CNTNAP2: variants seen among roughly 807,000 people sequenced by gnomAD.
CNTNAP2 encodes contactin-associated protein-like 2.
A neutral mutation model predicts 155.2 loss-of-function variants in CNTNAP2; 98 were observed. That is an observed-to-expected ratio of 0.63 (90% CI 0.54 to 0.75). The LOEUF is 0.75. CNTNAP2 is among the 30% of genes least tolerant of loss of function. CNTNAP2 has a pLI of 0.00. For missense variants in CNTNAP2, 1,727 were observed against 1,688.1 expected, an observed-to-expected ratio of 1.02 and a Z score of -0.40; for synonymous variants, 651 against 631.2, an observed-to-expected ratio of 1.03 and a Z score of -0.47.
At chr7:146,487,489 C>T (rs1454465532) in intron 1 of CNTNAP2, among the ~76,000 whole-genome samples, 2 of 152,154 alleles carry the variant, frequency 1.3e-5, no homozygotes, top group Non-Finnish European at 2.9e-5. Context: ...GACTGATCTA[C>T]AACTTAATGC....
chr7:146,569,310 C>T (rs889795126), intron 1 of CNTNAP2, among the ~76,000 whole-genome samples: 13 of 152,176 alleles, frequency 8.5e-5, no homozygotes, highest in Admixed American at 6.5e-4. Context: ...TGAGCCGCCG[C>T]GCCCGGCCTC....
chr7:146,236,813 A>T (rs1584818545), intron 1 of CNTNAP2, among the ~76,000 whole-genome samples: 1 of 39,428 alleles, frequency 2.5e-5, no homozygotes, highest in Non-Finnish European at 6.6e-5. Context: ...GTAAGTTATT[A>T]ATTAATTAAT....
intron 8 of CNTNAP2, among the ~76,000 whole-genome samples, chr7:147,279,602 G>A (rs1804982946): frequency 6.6e-6 from 1 of 151,648 alleles, no homozygotes; most frequent in Admixed American, 6.6e-5. Flanking sequence ...ATTATTAAGT[G>A]CCTAGTTAAA....
intron 1 of CNTNAP2, among the ~76,000 whole-genome samples, chr7:146,669,887 G>A (rs1800270763): frequency 6.6e-6 from 1 of 151,906 alleles, no homozygotes; most frequent in East Asian, 1.9e-4. Flanking sequence ...CTTTATCTTA[G>A]ATTCTGAGGA....
At chr7:147,349,532 AAGAT>A (rs764238411) in intron 9 of CNTNAP2, among the ~76,000 whole-genome samples, 2 of 151,934 alleles carry the variant, frequency 1.3e-5, no homozygotes, top group East Asian at 1.9e-4. Flanking sequence ...ATAACCTGTC[AAGAT>A]AGATAGAAAA....
chr7:146,780,448 C>G (rs1191713511), intron 2 of CNTNAP2, among the ~76,000 whole-genome samples: 1 of 152,104 alleles, frequency 6.6e-6, no homozygotes, highest in Non-Finnish European at 1.5e-5. Context: ...CTCGGCCTCC[C>G]AAAGTCCTGG....
At chr7:146,464,526 G>A (rs576453095) in intron 1 of CNTNAP2, among the ~76,000 whole-genome samples, 4 of 151,328 alleles carry the variant, frequency 2.6e-5, no homozygotes, top group Non-Finnish European at 5.9e-5. Context: ...AGGTGTAGAT[G>A]GGAAAGATAC....
At chr7:146,911,077 A>G (rs907792069) in intron 3 of CNTNAP2, among the ~76,000 whole-genome samples, 3 of 152,244 alleles carry the variant, frequency 2.0e-5, no homozygotes, top group Admixed American at 6.5e-5. Flanking sequence ...ACTGGCCATC[A>G]GAGAAATGCA....
chr7:146,420,273 TGA>T (rs1257683467), intron 1 of CNTNAP2, among the ~76,000 whole-genome samples: 6 of 152,090 alleles, frequency 3.9e-5, no homozygotes, highest in Admixed American at 3.3e-4. Flanking sequence ...CCTTCAAGCT[TGA>T]GAGTCTTGAA....
intron 19 of CNTNAP2, among the ~76,000 whole-genome samples, chr7:148,224,962 C>T (rs1795820381): frequency 6.6e-6 from 1 of 152,178 alleles, no homozygotes; most frequent in African/African-American, 2.4e-5. Context: ...CACTGGGTCC[C>T]TCCCATGGCA....
chr7:148,014,604 C>G (rs556204934), intron 15 of CNTNAP2, among the ~76,000 whole-genome samples: 1 of 152,178 alleles, frequency 6.6e-6, no homozygotes, highest in Non-Finnish European at 1.5e-5. Flanking sequence ...AAAACAAAGG[C>G]GTGGTCACTT....
chr7:147,543,484 C>A (rs969038822), intron 11 of CNTNAP2, among the ~76,000 whole-genome samples: 10 of 152,180 alleles, frequency 6.6e-5, no homozygotes, highest in Non-Finnish European at 1.3e-4. Context: ...AAAAATGACA[C>A]CTACCTTATA....
chr7:146,859,829 G>A (rs765143980), intron 3 of CNTNAP2, among the ~76,000 whole-genome samples: 1 of 152,062 alleles, frequency 6.6e-6, no homozygotes, highest in Non-Finnish European at 1.5e-5. Context: ...TGAGTAAATA[G>A]AAGGAAAGAG....
intron 1 of CNTNAP2, among the ~76,000 whole-genome samples, chr7:146,263,188 G>A (rs748775950): frequency 6.6e-6 from 1 of 151,852 alleles, no homozygotes; most frequent in Non-Finnish European, 1.5e-5. Flanking sequence ...GCTTGGTGAC[G>A]TGCGCCTGTG....
At chr7:148,157,029 G>A (rs1244796949) in intron 17 of CNTNAP2, among the ~76,000 whole-genome samples, 1 of 152,150 alleles carries the variant, frequency 6.6e-6, no homozygotes, top group Admixed American at 6.5e-5. Flanking sequence ...ATGACAGGAA[G>A]GTGAACGGCT....
At chr7:146,184,066 G>A (rs1798588798) in intron 1 of CNTNAP2, among the ~76,000 whole-genome samples, 1 of 152,030 alleles carries the variant, frequency 6.6e-6, no homozygotes, top group African/African-American at 2.4e-5. Flanking sequence ...TCTTCCATAT[G>A]CCCATGCTCA....
chr7:146,169,932 G>T (rs983867848), intron 1 of CNTNAP2, among the ~76,000 whole-genome samples: 1 of 151,518 alleles, frequency 6.6e-6, no homozygotes, highest in South Asian at 2.1e-4. Flanking sequence ...ATGTAGCAAT[G>T]CAGGTATCAC....
chr7:147,775,260 A>T (rs192248857), intron 13 of CNTNAP2, among the ~76,000 whole-genome samples: 3,643 of 89,442 alleles, frequency 0.041, 196 homozygotes, highest in Admixed American at 0.059. Flanking sequence ...TATATTTATA[A>T]ATATATTTAT....
chr7:147,349,050 G>C (rs1020382025), intron 9 of CNTNAP2, among the ~76,000 whole-genome samples: 2 of 151,896 alleles, frequency 1.3e-5, no homozygotes, highest in Non-Finnish European at 2.9e-5. Flanking sequence ...TAGGTAGGAC[G>C]AGTAAATTCT....
Sources: allele counts gnomAD v4.1 joint callset (sites outside exome capture counted in the v4.1 genomes callset), GRCh38; gene constraint gnomAD v4.1.1; transcripts MANE v1.5; gene names NCBI Gene and HGNC (gene_info 2026-07-23, HGNC 2026-07-21).